LHX8: variants seen among roughly 807,000 people sequenced by gnomAD.
LHX8 encodes LIM homeobox 8, also known as LIM/homeobox protein Lhx8.
LHX8 carries 12 observed loss-of-function variants against 40.3 expected under a neutral mutation model. The observed-to-expected ratio is 0.30, with a 90% CI of 0.19 to 0.48. The LOEUF is 0.48. LHX8 is among the 20% of genes least tolerant of loss of function. LHX8 has a pLI of 0.99. For synonymous variants in LHX8, 179 were observed against 162.0 expected (o/e 1.10, Z -0.80); for missense variants, 344 against 433.7 (o/e 0.79, Z 1.84).
the LHX8 span, among the ~76,000 whole-genome samples, chr1:75,194,862 G>A: frequency 6.6e-6 from 1 of 152,126 alleles, no homozygotes; most frequent in East Asian, 1.9e-4. Context: ...TTGTTAGAAA[G>A]CCTAAATATG....
At chr1:75,128,844 C>T (rs1647891574) in intron 1 of LHX8, among the ~76,000 whole-genome samples, 2 of 152,160 alleles carry the variant, frequency 1.3e-5, no homozygotes. Flanking sequence ...GCCTAGTTGC[C>T]ACGACAGAGG....
At chr1:75,131,847 G>A (rs554334726), upstream of LHX8, 6 of 152,318 alleles carry the variant, frequency 3.9e-5, 1 homozygote, top group Non-Finnish European at 7.3e-5. Context: ...AAAGCCCTGT[G>A]GTCCACGGAT....
the LHX8 span, among the ~76,000 whole-genome samples, chr1:75,197,139 A>G: frequency 6.6e-6 from 1 of 152,246 alleles, no homozygotes; most frequent in Non-Finnish European, 1.5e-5. Context: ...GAAATAATTT[A>G]ATTTTAAAGT....
chr1:75,149,439 C>A (rs146460945), intron 7 of LHX8, among the ~76,000 whole-genome samples: 3 of 152,292 alleles, frequency 2.0e-5, no homozygotes, highest in Admixed American at 2.0e-4. Flanking sequence ...TAGAGGTAAG[C>A]AGCTTAGTTG....
chr1:75,141,277 A>G lies in LHX8; in HGVS notation c.359+171A>G, dbSNP rs546023508. Among the ~76,000 whole-genome samples, 5 of 152,276 alleles carry G rather than the reference A, an allele frequency of 3.3e-5. No homozygotes were observed. The South Asian group carries it at 8.3e-4, about 25-fold the overall frequency. On this transcript the variant is annotated intron_variant, in intron 4 of 8. Coordinates refer to ENST00000356261, the MANE Select transcript of LHX8 (RefSeq NM_001256114.2). ...GTTTGAGATATAATGTGTATAAATA[A>G]GCATGTTTATCCTTTTTGGGAATTC...
At chr1:75,179,967 A>G in the LHX8 span, among the ~76,000 whole-genome samples, 15 of 152,192 alleles carry the variant, frequency 9.9e-5, no homozygotes, top group African/African-American at 3.6e-4. Flanking sequence ...TTAGCTGGAT[A>G]TGAAATTCTG....
chr1:75,165,957 G>A (rs1451603163), downstream of LHX8, among the ~76,000 whole-genome samples: 2 of 152,190 alleles, frequency 1.3e-5, no homozygotes, highest in Admixed American at 1.3e-4. Flanking sequence ...CTCCCTGCAT[G>A]CTGATTTCCT....
At chr1:75,176,404 G>A in the LHX8 span, among the ~76,000 whole-genome samples, 1 of 152,118 alleles carries the variant, frequency 6.6e-6, no homozygotes, top group Non-Finnish European at 1.5e-5. Flanking sequence ...GTTTTGATTT[G>A]CATTTCTCTG....
chr1:75,154,667 T>C (rs1182887894), intron 7 of LHX8, among the ~76,000 whole-genome samples: 1 of 152,122 alleles, frequency 6.6e-6, no homozygotes, highest in East Asian at 1.9e-4. Context: ...GTGACATCTA[T>C]TGTTCCAGAG....
At chr1:75,164,899 C>T (rs746373475), downstream of LHX8, among the ~76,000 whole-genome samples, 13 of 151,920 alleles carry the variant, frequency 8.6e-5, no homozygotes, top group Non-Finnish European at 1.6e-4. Flanking sequence ...GTCTCGAATT[C>T]CTGGGTTCAA....
intron 4 of LHX8, among the ~76,000 whole-genome samples, chr1:75,141,369 CA>C (rs1481438213): frequency 3.3e-5 from 5 of 152,030 alleles, no homozygotes; most frequent in African/African-American, 1.2e-4. Context: ...GCATTACAAA[CA>C]GGGAATCTTT....
At chr1:75,144,404 A>G (rs554042388) in intron 6 of LHX8, among the ~76,000 whole-genome samples, 4 of 152,314 alleles carry the variant, frequency 2.6e-5, no homozygotes, top group South Asian at 2.1e-4. Flanking sequence ...ACAATTGTAC[A>G]GTTTTTGAGT....
chr1:75,171,034 C>CT, the LHX8 span, among the ~76,000 whole-genome samples: 1 of 152,046 alleles, frequency 6.6e-6, no homozygotes, highest in African/African-American at 2.4e-5. Context: ...TCTTTAATTT[C>CT]TTTTTTCACC....
At chr1:75,129,526 G>C (rs990874226), upstream of LHX8, among the ~76,000 whole-genome samples, 1 of 152,110 alleles carries the variant, frequency 6.6e-6, no homozygotes, top group Admixed American at 6.6e-5. Context: ...AGTTGTGGGC[G>C]GTCGGCGCAG....
At chr1:75,135,245 C>T (rs1260586846) in intron 1 of LHX8, among the ~76,000 whole-genome samples, 1 of 152,232 alleles carries the variant, frequency 6.6e-6, no homozygotes, top group East Asian at 1.9e-4. Context: ...CTGACAAGCT[C>T]TCACCTCACT....
upstream of LHX8, chr1:75,130,815 G>A: frequency 7.3e-7 from 1 of 1,363,184 alleles, no homozygotes; most frequent in Non-Finnish European, 1.1e-6. Context: ...CACGTGATGG[G>A]CAAAAATCCA....
the LHX8 span, among the ~76,000 whole-genome samples, chr1:75,185,869 A>C: frequency 6.6e-6 from 1 of 152,172 alleles, no homozygotes; most frequent in Admixed American, 6.5e-5. Context: ...AAATTAAAGC[A>C]CAAAAATTAC....
Position 75,148,672 on chromosome 1 carries a change from G to A in LHX8, c.770G>A (p.Arg257His). The A allele has an allele frequency of 1.2e-6, 2 of 1,610,452 alleles. No homozygotes were observed. The highest frequency in any genetic ancestry group is 1.7e-6 in the Non-Finnish European group (2 of 1,177,346). Residue 257 changes from arginine (R) to histidine (H), a missense_variant, in exon 7 of 9, where the codon CGT becomes CAT. Arg to His is a conservative substitution (Grantham distance 29, BLOSUM62 0). Coordinates refer to ENST00000356261, the MANE Select transcript of LHX8 (RefSeq NM_001256114.2). ...KLAERTGLSRRVIQVWFQNCR... is the reference protein window; with the variant it reads ...KLAERTGLSRHVIQVWFQNCR... ...GCAGAAAGGACAGGCTTGAGCAGAC[G>A]TGTGATACAGGTGATTACTTTACTT...
intron 7 of LHX8, among the ~76,000 whole-genome samples, 196 bp from the exon 8 acceptor site, chr1:75,156,697 A>G (rs1648777368): frequency 6.6e-6 from 1 of 152,228 alleles, no homozygotes; most frequent in South Asian, 2.1e-4. Context: ...TCAACTGAGC[A>G]AGAAAAATGA....
Sources: gnomAD v4.1 joint callset for allele counts (sites outside exome capture counted in the v4.1 genomes callset) on GRCh38, gnomAD v4.1.1 for gene constraint, MANE v1.5 for transcripts, NCBI Gene and HGNC (gene_info 2026-07-23, HGNC 2026-07-21) for gene names.